Variants in BCKDHB observed in about 807,000 individuals in gnomAD.
BCKDHB encodes the protein branched chain keto acid dehydrogenase E1 subunit beta.
Under a neutral mutation model 48.5 loss-of-function variants are expected in BCKDHB, and 41 were observed. The ratio of observed to expected loss-of-function variants is 0.85; its 90% CI spans 0.66 to 1.10. The LOEUF (loss-of-function observed/expected upper bound fraction) is 1.10, where lower values mean the gene tolerates loss of function less well. Among genes scored for constraint, BCKDHB ranks in the 50% least tolerant of loss-of-function variants. The probability of loss-of-function intolerance (pLI) is 0.00; values close to 1 mark genes in which losing one functional copy is unlikely to be tolerated. For missense variants in BCKDHB, 496 were observed against 494.2 expected (o/e 1.00, Z -0.03); for synonymous variants, 201 against 174.8 (o/e 1.15, Z -1.18).
chr6:80,227,827 A>G (rs117310881), intron 8 of BCKDHB, among the ~76,000 whole-genome samples: 3 of 152,296 alleles, frequency 2.0e-5, no homozygotes, highest in East Asian at 1.9e-4. Context: ...ATGTTTTCTA[A>G]TAAGAGTAAT....
At chr6:80,138,267 T>G (rs1254095128) in intron 3 of BCKDHB, among the ~76,000 whole-genome samples, 1 of 144,888 alleles carries the variant, frequency 6.9e-6, no homozygotes, top group Non-Finnish European at 1.5e-5. Context: ...CTAATTTATG[T>G]AAAAACATAA....
chr6:80,346,927 G>A (rs906742349), downstream of BCKDHB, among the ~76,000 whole-genome samples: 3 of 143,724 alleles, frequency 2.1e-5, no homozygotes, highest in Non-Finnish European at 4.5e-5. Context: ...TAGGAAAAAG[G>A]TCTCTACCCC....
chr6:80,283,421 C>T (rs989549590), intron 9 of BCKDHB, among the ~76,000 whole-genome samples: 2 of 152,038 alleles, frequency 1.3e-5, no homozygotes, highest in Non-Finnish European at 2.9e-5. Context: ...CTTGGTATTT[C>T]TGTAGTCATA....
chr6:80,168,439 A>G (rs1393670780), intron 4 of BCKDHB, among the ~76,000 whole-genome samples: 84 of 60,812 alleles, frequency 1.4e-3, no homozygotes, highest in African/African-American at 5.3e-3. Context: ...GAAAAGGAAG[A>G]GAGGGAGGGA....
intron 9 of BCKDHB, among the ~76,000 whole-genome samples, chr6:80,300,856 C>A (rs1767542877): frequency 6.6e-6 from 1 of 152,102 alleles, no homozygotes; most frequent in Non-Finnish European, 1.5e-5. Flanking sequence ...TCAAGAAGAG[C>A]TCTCAAAGCT....
chr6:80,361,809 C>CT, the BCKDHB span, among the ~76,000 whole-genome samples: 1 of 152,124 alleles, frequency 6.6e-6, no homozygotes, highest in Non-Finnish European at 1.5e-5. Flanking sequence ...TTTGTGATCT[C>CT]TAAGTGCTGT....
the BCKDHB span, among the ~76,000 whole-genome samples, chr6:80,439,928 G>A: frequency 6.6e-6 from 1 of 152,094 alleles, no homozygotes; most frequent in Admixed American, 6.6e-5. Flanking sequence ...AAGATGATAA[G>A]ACCAACAGAA....
intron 6 of BCKDHB, among the ~76,000 whole-genome samples, chr6:80,172,364 C>G (rs111664925): frequency 6.6e-6 from 1 of 152,038 alleles, no homozygotes; most frequent in African/African-American, 2.4e-5. Flanking sequence ...ACAATAATAT[C>G]TTACAACTGT....
intron 8 of BCKDHB, among the ~76,000 whole-genome samples, chr6:80,217,379 A>G (rs187781492): frequency 2.0e-5 from 3 of 151,944 alleles, no homozygotes; most frequent in African/African-American, 4.8e-5. Context: ...ACGTGTTTAT[A>G]TTTTCTTTTA....
the BCKDHB span, among the ~76,000 whole-genome samples, chr6:80,452,635 T>A: frequency 6.6e-6 from 1 of 152,186 alleles, no homozygotes; most frequent in Non-Finnish European, 1.5e-5. Flanking sequence ...GAAGCATTCT[T>A]TAGTTCTTCA....
intron 9 of BCKDHB, among the ~76,000 whole-genome samples, chr6:80,337,685 G>A (rs994188390): frequency 1.3e-5 from 2 of 151,882 alleles, no homozygotes; most frequent in African/African-American, 4.8e-5. Context: ...GTGTGTTGTG[G>A]TAGTATAATG....
At chr6:80,437,964 C>T in the BCKDHB span, among the ~76,000 whole-genome samples, 60 of 152,318 alleles carry the variant, frequency 3.9e-4, no homozygotes, top group Non-Finnish European at 5.9e-4. Context: ...CACTGTCTTC[C>T]TATGCCTGTC....
the BCKDHB span, among the ~76,000 whole-genome samples, chr6:80,428,678 G>T: frequency 1.3e-5 from 2 of 152,146 alleles, no homozygotes; most frequent in African/African-American, 2.4e-5. Flanking sequence ...CTTTTGAGAA[G>T]TGTCTATTCA....
the BCKDHB span, among the ~76,000 whole-genome samples, chr6:80,355,003 T>C: frequency 6.6e-6 from 1 of 152,342 alleles, no homozygotes; most frequent in South Asian, 2.1e-4. Context: ...TTGTTCCATA[T>C]GAGTTTTAGA....
At chr6:80,433,719 A>G in the BCKDHB span, among the ~76,000 whole-genome samples, 1 of 152,160 alleles carries the variant, frequency 6.6e-6, no homozygotes, top group African/African-American at 2.4e-5. Context: ...TGGAAAAAAA[A>G]AAGAACTCCT....
chr6:80,255,571 C>T (rs1343875662), intron 8 of BCKDHB, among the ~76,000 whole-genome samples: 2 of 152,256 alleles, frequency 1.3e-5, no homozygotes, highest in East Asian at 3.9e-4. Context: ...TCTTACCGAA[C>T]AGCATGCAGT....
At chr6:80,281,350 A>G (rs1778186388) in intron 9 of BCKDHB, among the ~76,000 whole-genome samples, 1 of 152,180 alleles carries the variant, frequency 6.6e-6, no homozygotes, top group South Asian at 2.1e-4. Context: ...GGAAGGGAGT[A>G]GGAGAGAGCC....
chr6:80,300,103 G>A (rs1275745390), intron 9 of BCKDHB, among the ~76,000 whole-genome samples: 1 of 151,666 alleles, frequency 6.6e-6, no homozygotes, highest in African/African-American at 2.4e-5. Context: ...CCAGACTGGA[G>A]CGTAGCGCTA....
intron 3 of BCKDHB, among the ~76,000 whole-genome samples, chr6:80,161,044 A>C (rs747562513): frequency 3.3e-5 from 5 of 152,154 alleles, no homozygotes; most frequent in Non-Finnish European, 5.9e-5. Context: ...ACTGTTTCAG[A>C]GTGGGCATAG....
Sources: allele counts gnomAD v4.1 joint callset (sites outside exome capture counted in the v4.1 genomes callset), GRCh38; gene constraint gnomAD v4.1.1; transcripts MANE v1.5; gene names NCBI Gene and HGNC (gene_info 2026-07-23, HGNC 2026-07-21).